CHLSN: variants seen among roughly 807,000 people sequenced by gnomAD.
CHLSN encodes the protein protein cholesin.
the CHLSN span, chr7:1,058,421 C>A: frequency 5.1e-6 from 4 of 780,638 alleles, no homozygotes; most frequent in Admixed American, 1.7e-5. Flanking sequence ...TGAACCAGAG[C>A]TTCCCCAGCA....
At chr7:994,036 G>A in the CHLSN span, among the ~76,000 whole-genome samples, 2 of 152,230 alleles carry the variant, frequency 1.3e-5, no homozygotes, top group Non-Finnish European at 2.9e-5. Context: ...CACCCCCAAT[G>A]TCAGGGAGGG....
At chr7:1,098,810 G>A in the CHLSN span, among the ~76,000 whole-genome samples, 4,106 of 152,374 alleles carry the variant, frequency 0.027, 70 homozygotes, top group African/African-American at 0.033. Flanking sequence ...GCTGGGAAGC[G>A]GCTGCCGGGG....
At chr7:1,035,231 G>C in the CHLSN span, among the ~76,000 whole-genome samples, 1 of 152,190 alleles carries the variant, frequency 6.6e-6, no homozygotes, top group South Asian at 2.1e-4. Flanking sequence ...TTGTGACTGT[G>C]AACAGTGCTG....
chr7:1,136,260 CAT>C, the CHLSN span, among the ~76,000 whole-genome samples: 11 of 104,084 alleles, frequency 1.1e-4, no homozygotes, highest in East Asian at 2.1e-3. Flanking sequence ...TATATATAAA[CAT>C]ATATAAATAT....
the CHLSN span, among the ~76,000 whole-genome samples, chr7:1,086,108 C>T: frequency 6.6e-6 from 1 of 152,238 alleles, no homozygotes; most frequent in Non-Finnish European, 1.5e-5. Flanking sequence ...GGCCACTCGC[C>T]CGCCCAGGGC....
chr7:1,019,290 T>C, the CHLSN span, among the ~76,000 whole-genome samples: 2 of 149,242 alleles, frequency 1.3e-5, no homozygotes, highest in Admixed American at 6.7e-5. Context: ...TGTGGTTGCA[T>C]GGATCTCTAG....
chr7:1,132,694 TAAA>T, the CHLSN span, among the ~76,000 whole-genome samples: 2 of 107,000 alleles, frequency 1.9e-5, no homozygotes, highest in Admixed American at 2.0e-4. Context: ...AACCTGTCTT[TAAA>T]AAAAAAAAAA....
At chr7:1,097,808 C>T in the CHLSN span, among the ~76,000 whole-genome samples, 2 of 152,206 alleles carry the variant, frequency 1.3e-5, no homozygotes, top group East Asian at 3.9e-4. This position sits in a 1 kb window ranked among gnomAD's most constrained non-coding sequence, Gnocchi z 4.3. Context: ...AAGGGTGCGT[C>T]TCGTGCTGTC....
chr7:1,002,958 T>C, the CHLSN span, among the ~76,000 whole-genome samples: 6 of 88,766 alleles, frequency 6.8e-5, no homozygotes, highest in East Asian at 4.1e-4. Context: ...TGGAGTCCTG[T>C]GGGTGAGTGG....
chr7:1,001,588 T>G, the CHLSN span, among the ~76,000 whole-genome samples: 10 of 41,352 alleles, frequency 2.4e-4, no homozygotes, highest in Non-Finnish European at 3.7e-4. Context: ...TGTGGGTGAG[T>G]GGAGTCCTGC....
the CHLSN span, chr7:1,093,242 C>A: frequency 1.7e-5 from 8 of 477,196 alleles, no homozygotes; most frequent in Non-Finnish European, 3.4e-5. Context: ...GGGTGAAGCG[C>A]CTCAGTTACA....
chr7:1,068,901 G>A, the CHLSN span, among the ~76,000 whole-genome samples: 1 of 152,176 alleles, frequency 6.6e-6, no homozygotes, highest in South Asian at 2.1e-4. Flanking sequence ...TGATGTCCGG[G>A]AAGACTGTGA....
chr7:1,035,630 G>A, the CHLSN span, among the ~76,000 whole-genome samples: 5 of 152,294 alleles, frequency 3.3e-5, no homozygotes, highest in Admixed American at 6.5e-5. Flanking sequence ...TCCAGAGACC[G>A]ACATCACCAA....
the CHLSN span, among the ~76,000 whole-genome samples, chr7:1,136,597 C>CATATATAAAT: frequency 1.4e-4 from 20 of 139,306 alleles, no homozygotes; most frequent in Non-Finnish European, 2.4e-4. Flanking sequence ...CATATATAAA[C>CATATATAAAT]ATATATAAAT....
the CHLSN span, among the ~76,000 whole-genome samples, chr7:1,075,478 C>T: frequency 6.6e-6 from 1 of 151,032 alleles, no homozygotes; most frequent in Non-Finnish European, 1.5e-5. Context: ...GAGCCGAGAT[C>T]GCACCACTGC....
chr7:1,028,846 T>G, the CHLSN span: 1 of 601,274 alleles, frequency 1.7e-6, no homozygotes, highest in Non-Finnish European at 1.9e-6. Flanking sequence ...TACCCCCATC[T>G]TCCCAGTCTG....
the CHLSN span, chr7:1,058,339 A>G: frequency 1.3e-6 from 1 of 778,582 alleles, no homozygotes; most frequent in Non-Finnish European, 2.4e-6. Context: ...GGGCTACTGC[A>G]CTTTGTGAAG....
At chr7:1,042,320 G>A in the CHLSN span, among the ~76,000 whole-genome samples, 1 of 152,214 alleles carries the variant, frequency 6.6e-6, no homozygotes, top group Non-Finnish European at 1.5e-5. Flanking sequence ...GGGAGGCCAC[G>A]TCCACGTGAC....
the CHLSN span, among the ~76,000 whole-genome samples, chr7:1,088,630 G>A: frequency 3.5e-4 from 53 of 152,206 alleles, no homozygotes; most frequent in Non-Finnish European, 7.3e-4. The surrounding 1 kb of genome is among the most constrained non-coding windows in gnomAD (Gnocchi z 4.5). Context: ...AAGAAAATGA[G>A]GGTGCCCACT....
Sources: allele counts gnomAD v4.1 joint callset (sites outside exome capture counted in the v4.1 genomes callset), GRCh38; gene constraint gnomAD v4.1.1; non-coding constraint Gnocchi (gnomAD v3.1); transcripts MANE v1.5; gene names NCBI Gene and HGNC (gene_info 2026-07-23, HGNC 2026-07-21).